The following AUTS2 variants were observed in gnomAD, a reference collection of about 807,000 sequenced individuals.
AUTS2 encodes autism susceptibility gene 2 protein.
Under a neutral mutation model 112.4 loss-of-function variants are expected in AUTS2, and 17 were observed. That is an observed-to-expected ratio of 0.15 (90% CI 0.10 to 0.23). The LOEUF is 0.23. Among genes scored for constraint, AUTS2 ranks in the 10% least tolerant of loss-of-function variants. AUTS2 has a pLI of 1.00. For missense variants in AUTS2, 1,510 were observed against 1,701.6 expected, an observed-to-expected ratio of 0.89 and a Z score of 1.98; for synonymous variants, 751 against 702.7, an observed-to-expected ratio of 1.07 and a Z score of -1.09.
intron 2 of AUTS2, among the ~76,000 whole-genome samples, chr7:69,951,850 T>C (rs1797039572): frequency 6.6e-6 from 1 of 152,200 alleles, no homozygotes. Flanking sequence ...AATGTGGCTT[T>C]AACTCTCGAT....
intron 1 of AUTS2, among the ~76,000 whole-genome samples, chr7:69,721,019 G>A (rs769468371): frequency 1.3e-5 from 2 of 152,178 alleles, no homozygotes; most frequent in Non-Finnish European, 2.9e-5. Context: ...GGAGTAGTGG[G>A]CAGAGTTTTC....
chr7:70,534,471 G>T (rs1800229556), intron 5 of AUTS2, among the ~76,000 whole-genome samples: 1 of 152,050 alleles, frequency 6.6e-6, no homozygotes, highest in Non-Finnish European at 1.5e-5. Flanking sequence ...CTGTCGCCCG[G>T]GCTGGAGTGC....
At chr7:70,352,662 G>C (rs1406501940) in intron 4 of AUTS2, among the ~76,000 whole-genome samples, 1 of 152,086 alleles carries the variant, frequency 6.6e-6, no homozygotes, top group Non-Finnish European at 1.5e-5. Context: ...GTTATCTTCT[G>C]TGCCCTCTCA....
intron 2 of AUTS2, among the ~76,000 whole-genome samples, chr7:70,005,949 T>C (rs1442142317): frequency 2.6e-5 from 4 of 152,134 alleles, no homozygotes; most frequent in Non-Finnish European, 5.9e-5. Context: ...GCAGTTGGAT[T>C]GTGTATATAT....
chr7:69,767,327 C>G (rs1246297409), intron 1 of AUTS2, among the ~76,000 whole-genome samples: 1 of 152,036 alleles, frequency 6.6e-6, no homozygotes, highest in African/African-American at 2.4e-5. Context: ...TAGGCACACA[C>G]AACCATGCCT....
intron 4 of AUTS2, among the ~76,000 whole-genome samples, chr7:70,410,494 G>A (rs1159585370): frequency 6.6e-6 from 1 of 151,548 alleles, no homozygotes; most frequent in Non-Finnish European, 1.5e-5. Context: ...TGCAATCACG[G>A]CTCACTGCAC....
chr7:70,576,997 A>G (rs2129526515), intron 5 of AUTS2, among the ~76,000 whole-genome samples: 1 of 152,338 alleles, frequency 6.6e-6, no homozygotes, highest in East Asian at 1.9e-4. Context: ...CCTTTCTGGT[A>G]TTCCAGTTTA....
At chr7:70,313,404 G>T (rs2129615804) in intron 4 of AUTS2, among the ~76,000 whole-genome samples, 1 of 152,306 alleles carries the variant, frequency 6.6e-6, no homozygotes, top group South Asian at 2.1e-4. Flanking sequence ...AAGGCCATTT[G>T]TTCTAAAAGA....
intron 5 of AUTS2, among the ~76,000 whole-genome samples, chr7:70,475,023 C>T (rs369652204): frequency 1.8e-4 from 28 of 152,184 alleles, no homozygotes; most frequent in Non-Finnish European, 8.8e-5. Flanking sequence ...TTTGTTTGTT[C>T]GTTGTTCTCT....
chr7:69,929,571 T>G (rs1796153241), intron 2 of AUTS2, among the ~76,000 whole-genome samples: 1 of 152,192 alleles, frequency 6.6e-6, no homozygotes, highest in Admixed American at 6.5e-5. Context: ...TCTTTGCATT[T>G]CAGTTTGGAT....
intron 5 of AUTS2, among the ~76,000 whole-genome samples, chr7:70,544,863 C>T (rs1434233351): frequency 1.3e-5 from 2 of 152,210 alleles, no homozygotes; most frequent in African/African-American, 4.8e-5. Flanking sequence ...GCTTATTTAC[C>T]TGGGTCTCAG....
chr7:70,320,304 G>C (rs1790193887), intron 4 of AUTS2, among the ~76,000 whole-genome samples: 1 of 152,134 alleles, frequency 6.6e-6, no homozygotes, highest in Admixed American at 6.5e-5. Context: ...CCTTTGTGTT[G>C]AGAAGGGATA....
At chr7:70,102,180 G>A (rs1000182597) in intron 2 of AUTS2, among the ~76,000 whole-genome samples, 3 of 147,624 alleles carry the variant, frequency 2.0e-5, no homozygotes, top group Non-Finnish European at 3.0e-5. Context: ...GTGCAGTGGC[G>A]TGATCTCGGC....
At chr7:70,006,826 C>T (rs1168329452) in intron 2 of AUTS2, among the ~76,000 whole-genome samples, 1 of 152,050 alleles carries the variant, frequency 6.6e-6, no homozygotes, top group Non-Finnish European at 1.5e-5. Flanking sequence ...TGCACAAGCC[C>T]CATCTCTGTG....
At chr7:70,511,098 CT>C (rs1799163977) in intron 5 of AUTS2, among the ~76,000 whole-genome samples, 1 of 152,160 alleles carries the variant, frequency 6.6e-6, no homozygotes, top group Non-Finnish European at 1.5e-5. Context: ...ATCTGCCCGC[CT>C]CAGCCTCCCA....
At chr7:70,336,334 A>G (rs1207297993) in intron 4 of AUTS2, among the ~76,000 whole-genome samples, 1 of 152,036 alleles carries the variant, frequency 6.6e-6, no homozygotes, top group African/African-American at 2.4e-5. Context: ...CATTGCTAGC[A>G]TTTCTCTCTG....
intron 4 of AUTS2, among the ~76,000 whole-genome samples, chr7:70,259,642 G>A (rs924446812): frequency 6.6e-5 from 10 of 152,192 alleles, no homozygotes; most frequent in African/African-American, 2.4e-4. Context: ...GTCACCCTTG[G>A]CATATGCCAC....
intron 1 of AUTS2, among the ~76,000 whole-genome samples, chr7:69,635,275 T>TCA (rs1314393676): frequency 2.0e-5 from 3 of 152,198 alleles, no homozygotes; most frequent in Admixed American, 6.5e-5. Context: ...TTAAGTGAAA[T>TCA]CCATAAGGAA....
intron 2 of AUTS2, among the ~76,000 whole-genome samples, chr7:70,099,238 A>C (rs549093990): frequency 6.6e-6 from 1 of 152,192 alleles, no homozygotes; most frequent in African/African-American, 2.4e-5. Flanking sequence ...AATCTGGTAC[A>C]TGTTCTTGTG....
Sources: allele counts gnomAD v4.1 joint callset (sites outside exome capture counted in the v4.1 genomes callset), GRCh38; gene constraint gnomAD v4.1.1; transcripts MANE v1.5; gene names NCBI Gene and HGNC (gene_info 2026-07-23, HGNC 2026-07-21).